The following COL4A5 variants were observed in gnomAD, a reference collection of about 807,000 sequenced individuals.
COL4A5 encodes the protein collagen type IV alpha 5 chain.
A neutral mutation model predicts 130.2 loss-of-function variants in COL4A5; 26 were observed. That is an observed-to-expected ratio of 0.20 (90% CI 0.15 to 0.28). The LOEUF (loss-of-function observed/expected upper bound fraction) is 0.28, where lower values mean the gene tolerates loss of function less well. Among genes scored for constraint, COL4A5 ranks in the 10% least tolerant of loss-of-function variants. COL4A5 has a pLI of 1.00. For missense variants in COL4A5, 1,131 were observed against 1,344.3 expected (o/e 0.84, Z 2.48); for synonymous variants, 496 against 439.6 (o/e 1.13, Z -1.60).
chrX:108,563,112 C>A (rs897090504), intron 3 of COL4A5, among the ~76,000 whole-genome samples: 1 of 111,444 alleles, frequency 9.0e-6, no homozygotes, highest in Non-Finnish European at 1.9e-5. Context: ...TATGTATAAA[C>A]CATAAATTAT....
chrX:108,552,226 A>G (rs1390656067), intron 2 of COL4A5, among the ~76,000 whole-genome samples: 1 of 112,004 alleles, frequency 8.9e-6, no homozygotes, highest in African/African-American at 3.2e-5. Context: ...AAAATGTTAT[A>G]CAAATGGAAT....
chrX:108,665,226 T>A lies in COL4A5; in HGVS notation c.3374-281T>A, dbSNP rs550881604. ...AGTCCAGCAAGAGGAATGGATTTTTTAAGTTATGGTATATTCATATAATGG... is the reference window on the plus strand; with the variant it reads ...AGTCCAGCAAGAGGAATGGATTTTTAAAGTTATGGTATATTCATATAATGG... On this transcript the variant is annotated intron_variant, in intron 37 of 52. Coordinates refer to ENST00000328300, the MANE Select transcript of COL4A5 (RefSeq NM_033380.3). Among the ~76,000 whole-genome samples the A allele has an allele frequency of 1.2e-4, 14 of 112,214 alleles. No homozygotes were observed. The South Asian group carries it at 5.2e-3, about 42-fold the overall frequency.
chrX:108,626,539 A>C (rs2067158307), intron 36 of COL4A5, 190 bp downstream of exon 36: 8 of 1,142,246 alleles, frequency 7.0e-6, no homozygotes, highest in Non-Finnish European at 9.2e-6. Flanking sequence ...CCAGTCCAAA[A>C]TAAAAAGGGA....
At chrX:108,461,663 C>T (rs957553290) in intron 1 of COL4A5, among the ~76,000 whole-genome samples, 3 of 110,527 alleles carry the variant, frequency 2.7e-5, no homozygotes, top group Non-Finnish European at 5.7e-5. Flanking sequence ...GGCATGATCT[C>T]GGCTCACTGG....
intron 33 of COL4A5, 151 bp from the exon 34 acceptor site, chrX:108,624,085 G>A: frequency 2.0e-6 from 1 of 488,935 alleles, no homozygotes; most frequent in Admixed American, 2.9e-5. Context: ...ATTTTCGTGT[G>A]AGTCCAGTGC....
At chrX:108,539,614 G>A (rs763276206) in intron 1 of COL4A5, 132 bp from the exon 2 acceptor site, 22 of 560,528 alleles carry the variant, frequency 3.9e-5, no homozygotes, top group African/African-American at 3.4e-4. Flanking sequence ...TTGCAATTTC[G>A]TATATCTTTT....
chrX:108,624,164 C>A, intron 33 of COL4A5, 72 bp from the exon 34 acceptor site: 1 of 848,108 alleles, frequency 1.2e-6, no homozygotes, highest in Admixed American at 2.5e-5. Context: ...ACTTGAGTAG[C>A]TTGCTTTGCC....
chrX:108,678,908 G>C (rs1217427582), intron 44 of COL4A5, among the ~76,000 whole-genome samples: 2 of 111,633 alleles, frequency 1.8e-5, no homozygotes, highest in Non-Finnish European at 3.8e-5. Flanking sequence ...ATCTGAAACA[G>C]TTCCTAAGTT....
intron 31 of COL4A5, among the ~76,000 whole-genome samples, chrX:108,621,422 C>T (rs189649485): frequency 8.6e-4 from 95 of 110,724 alleles, no homozygotes; most frequent in African/African-American, 3.0e-3. Flanking sequence ...ACCTCAACCT[C>T]CCAAAGTGCT....
intron 18 of COL4A5, among the ~76,000 whole-genome samples, chrX:108,586,123 T>C (rs1256566099): frequency 9.0e-6 from 1 of 111,321 alleles, no homozygotes; most frequent in Non-Finnish European, 1.9e-5. Context: ...GCAGCACTTA[T>C]AGTAAAAAGT....
chrX:108,485,173 G>A (rs2064932135), intron 1 of COL4A5, among the ~76,000 whole-genome samples: 1 of 111,609 alleles, frequency 9.0e-6, no homozygotes, highest in Non-Finnish European at 1.9e-5. Flanking sequence ...AATGCTGCCA[G>A]GCCTGGGCCT....
chrX:108,516,753 T>C (rs990364745), intron 1 of COL4A5, among the ~76,000 whole-genome samples: 1 of 111,976 alleles, frequency 8.9e-6, no homozygotes, highest in Non-Finnish European at 1.9e-5. Context: ...CTGATGATTT[T>C]ATTATGTTAC....
rs1429340221 is a variant in COL4A5, at chrX:108,598,716, T to A, written c.1794T>A (p.Phe598Leu). The A allele has an allele frequency of 3.3e-6, 4 of 1,210,145 alleles. No individual in the cohort carries two copies. Among genetic ancestry groups the A allele is most frequent in the Non-Finnish European group, 4.5e-6 (4 of 894,411 alleles). ...TCCCTTTTTAGGGTGGAATTACTTTTAAGGGTGAAAGAGGTCCCCCTGGGA... is the reference window on the plus strand; with the variant it reads ...TCCCTTTTTAGGGTGGAATTACTTTAAAGGGTGAAAGAGGTCCCCCTGGGA... ...GPKGEPGGIT[F>L]KGERGPPGNP... The change falls in exon 25 of 53, where the codon TTT (phenylalanine) becomes TTA (leucine). Residue 598 changes from phenylalanine (F) to leucine (L), a missense_variant. Coordinates refer to ENST00000328300, the MANE Select transcript of COL4A5 (RefSeq NM_033380.3).
chrX:108,623,426 G>T (rs997169363), intron 33 of COL4A5, among the ~76,000 whole-genome samples: 1 of 95,237 alleles, frequency 1.1e-5, no homozygotes, highest in African/African-American at 3.7e-5. Flanking sequence ...AAAATATTAC[G>T]TGGGGTTTTC....
At chrX:108,546,621 C>A (rs1223205514) in intron 2 of COL4A5, among the ~76,000 whole-genome samples, 1 of 110,268 alleles carries the variant, frequency 9.1e-6, no homozygotes, top group African/African-American at 3.3e-5. Flanking sequence ...ATCTTTGTGG[C>A]GTTCTCTGTA....
intron 21 of COL4A5, among the ~76,000 whole-genome samples, chrX:108,593,840 G>C (rs1264522389): frequency 9.0e-6 from 1 of 111,596 alleles, no homozygotes; most frequent in Non-Finnish European, 1.9e-5. Context: ...GGATATTCTA[G>C]GTTCTTTGCA....
At chrX:108,453,530 A>G (rs1292699198) in intron 1 of COL4A5, among the ~76,000 whole-genome samples, 2 of 111,909 alleles carry the variant, frequency 1.8e-5, no homozygotes, top group African/African-American at 6.5e-5. Flanking sequence ...AAATGAATAA[A>G]TAATTTTAAA....
At chrX:108,619,658 CAA>C (rs1199965102) in intron 30 of COL4A5, among the ~76,000 whole-genome samples, 1 of 111,341 alleles carries the variant, frequency 9.0e-6, no homozygotes, top group African/African-American at 3.3e-5. Flanking sequence ...ATTATTAAAA[CAA>C]TGTGCAAAAC....
intron 49 of COL4A5, among the ~76,000 whole-genome samples, chrX:108,691,145 T>G (rs2068634269): frequency 9.0e-6 from 1 of 110,933 alleles, no homozygotes; most frequent in Non-Finnish European, 1.9e-5. Context: ...GAAAGACAGG[T>G]AGCAGAGACT....
Sources: allele counts gnomAD v4.1 joint callset (sites outside exome capture counted in the v4.1 genomes callset), GRCh38; gene constraint gnomAD v4.1.1; transcripts MANE v1.5; gene names NCBI Gene and HGNC (gene_info 2026-07-23, HGNC 2026-07-21).